The following SUPT5H variants were observed in gnomAD, a reference collection of about 807,000 sequenced individuals.
The protein encoded by SUPT5H is transcription elongation factor SPT5.
A neutral mutation model predicts 142.5 loss-of-function variants in SUPT5H; 24 were observed. The ratio of observed to expected loss-of-function variants is 0.17; its 90% CI spans 0.12 to 0.24. SUPT5H has a LOEUF of 0.24. SUPT5H is among the 10% of genes least tolerant of loss of function. SUPT5H has a pLI of 1.00. For synonymous variants in SUPT5H, 546 were observed against 553.0 expected, an observed-to-expected ratio of 0.99 and a Z score of 0.18; for missense variants, 893 against 1,471.8, an observed-to-expected ratio of 0.61 and a Z score of 6.43.
In SUPT5H at chr19:39,470,608, C is replaced by T; in HGVS notation, c.1677+85C>T. The T allele has an allele frequency of 4.2e-6, 6 of 1,417,858 alleles. No individual in the cohort carries two copies. The highest frequency in any genetic ancestry group is 5.6e-6 in the Non-Finnish European group (6 of 1,069,792). The allele number at this position is 1,417,858 out of a possible 1,614,324, so 87.8% of individuals were successfully genotyped here. A position where few individuals can be genotyped will look rare whatever the true frequency, so the allele number is the denominator to read the frequency against. On this transcript the variant is annotated intron_variant, in intron 18 of 29. Coordinates refer to ENST00000432763, the MANE Select transcript of SUPT5H (RefSeq NM_001111020.3). The surrounding 1 kb of genome is among the most constrained non-coding windows in gnomAD (Gnocchi z 5.8). ...CCCTCATCCTGGGAGGTGGCAGAGC[C>T]CCCAGACTGCTCTGGGTTGCAGATC...
rs1197635622 is a variant in SUPT5H at position 39,455,747 on chromosome 19, C to T, written c.242-1928C>T. Among the ~76,000 whole-genome samples, 22 of 150,838 alleles carry T rather than the reference C, an allele frequency of 1.5e-4. No homozygotes were observed. The East Asian group carries it at 2.8e-3, about 19-fold the overall frequency. ...AAGTGCTTCTCCTGCCTCAGCTTCC[C>T]GAGTAGCTGGGATTACAGGTGCCTG... On this transcript the variant is annotated intron_variant, in intron 3 of 29. Coordinates refer to ENST00000432763, the MANE Select transcript of SUPT5H (RefSeq NM_001111020.3).
chr19:39,457,929 G>A (rs1293276936), intron 4 of SUPT5H, 189 bp downstream of exon 4: 1 of 1,062,596 alleles, frequency 9.4e-7, no homozygotes, highest in Admixed American at 2.0e-5. Context: ...AGTGGGGGGT[G>A]GGGCCCTGGG....
Position 39,457,669 on chromosome 19 carries a change from T to C in SUPT5H, c.242-6T>C. On this transcript the variant is annotated splice_polypyrimidine_tract_variant and splice_region_variant and intron_variant, in intron 3 of 29. Transcript: ENST00000432763. Reference sequence around the variant, plus strand: ...TGCCACTTACCACTTGGCCTTTCCGTTTTAGATGTTGACGATGAGTATGAG... The same window carrying C: ...TGCCACTTACCACTTGGCCTTTCCGCTTTAGATGTTGACGATGAGTATGAG... The C allele has an allele frequency of 6.2e-7, 1 of 1,613,324 alleles. No homozygotes were observed. Among genetic ancestry groups the C allele is most frequent in the East Asian group, 2.2e-5 (1 of 44,844 alleles).
At chr19:39,451,451 G>A (rs1026912052) in intron 2 of SUPT5H, among the ~76,000 whole-genome samples, 3 of 151,720 alleles carry the variant, frequency 2.0e-5, no homozygotes, top group African/African-American at 7.3e-5. Flanking sequence ...GCGAGCCACC[G>A]CGCCCAGCCT....
chr19:39,469,777 G>T lies in SUPT5H; in HGVS notation c.1375-342G>T. 1 of 477,924 alleles carries T rather than the reference G, an allele frequency of 2.1e-6. No individual in the cohort carries two copies. The highest frequency in any genetic ancestry group is 2.2e-5 in the South Asian group (1 of 44,566). 29.6% of individuals were successfully genotyped at this position (477,924 alleles called of 1,614,324 possible). A position where few individuals can be genotyped will look rare whatever the true frequency, so the allele number is the denominator to read the frequency against. ...GTCTGAGGGGTTGTGCAGGCCCAGT[G>T]TGATGTGTGGGGTGAGGCTGTCTCC... On this transcript the variant is annotated intron_variant, in intron 16 of 29. Transcript: ENST00000432763. This position sits in a 1 kb window ranked among gnomAD's most constrained non-coding sequence, Gnocchi z 5.1.
intron 2 of SUPT5H, among the ~76,000 whole-genome samples, chr19:39,447,041 T>C (rs2078963291): frequency 6.6e-6 from 1 of 151,884 alleles, no homozygotes; most frequent in Non-Finnish European, 1.5e-5. Flanking sequence ...GGCACGCTTC[T>C]GTAGTCCCAG....
chr19:39,449,042 A>T (rs2078987599), intron 2 of SUPT5H, among the ~76,000 whole-genome samples: 1 of 132,402 alleles, frequency 7.6e-6, no homozygotes, highest in Non-Finnish European at 1.6e-5. Flanking sequence ...GTGAGCAGAG[A>T]TCGCACCATT....
rs1295601111 is a variant in SUPT5H at position 39,471,438 on chromosome 19, T to C, written c.1759T>C (p.Leu587=). The change falls in exon 19 of 30, where the codon TTG becomes CTG. Residue 587 remains leucine, a synonymous_variant. Coordinates refer to ENST00000432763, the MANE Select transcript of SUPT5H (RefSeq NM_001111020.3). ...GAAGGACAACCGCTTTGCTGTGGCC[T>C]TGGACTCAGAGCAGAACAACATCCA... ...RKKDNRFAVA[L]DSEQNNIHVK... is the part of the protein sequence containing the mutation. 4 of 1,614,112 alleles carry C rather than the reference T, an allele frequency of 2.5e-6. No individual in the cohort carries two copies. Among genetic ancestry groups the C allele is most frequent in the Non-Finnish European group, 3.4e-6 (4 of 1,180,048 alleles).
At position 39,445,799 on chromosome 19, in the gene SUPT5H, C is replaced by G. The variant is rs975308926; in HGVS notation, c.-87-5C>G. On this transcript the variant is annotated splice_region_variant and splice_polypyrimidine_tract_variant and intron_variant, in intron 1 of 29. Coordinates refer to ENST00000432763, the MANE Select transcript of SUPT5H (RefSeq NM_001111020.3). ...GAAGCGCCCTAAGGGGTTTTCTTCT[C>G]CCAGGGAACCAGCGGGGAAACTGAG... 1 of 1,504,692 alleles carries G rather than the reference C, an allele frequency of 6.6e-7. No homozygotes were observed. The highest frequency in any genetic ancestry group is 1.4e-5 in the African/African-American group (1 of 73,244). The allele number at this position is 1,504,692 out of a possible 1,614,324, so 93.2% of individuals were successfully genotyped here.
At position 39,457,973 on chromosome 19, in the gene SUPT5H, C is replaced by A. The variant is rs559814294; in HGVS notation, c.307+233C>A. 609 of 836,672 alleles carry A rather than the reference C, an allele frequency of 7.3e-4. 10 individuals are homozygous for A. The South Asian group carries it at 8.3e-3, about 11-fold the overall frequency. 51.8% of individuals were successfully genotyped at this position (836,672 alleles called of 1,614,324 possible). ...GTTGTGGGGAGAGGACTCTGGGATC[C>A]CAGGGCCCAGTGAATCCCTTCTGGG... On this transcript the variant is annotated intron_variant, in intron 4 of 29. Transcript: ENST00000432763.
At chr19:39,476,057 G>A (rs1316201831) in intron 28 of SUPT5H, 24 bp from the exon 29 acceptor site, 2 of 1,610,204 alleles carry the variant, frequency 1.2e-6, no homozygotes, top group East Asian at 2.2e-5. Context: ...AGGACAGGCT[G>A]ACCAGGCTGT....
At position 39,469,819 on chromosome 19, in the gene SUPT5H, C is replaced by T; in HGVS notation, c.1375-300C>T. On this transcript the variant is annotated intron_variant, in intron 16 of 29. Transcript: ENST00000432763. The surrounding 1 kb of genome is among the most constrained non-coding windows in gnomAD (Gnocchi z 5.1). ...GCTGTCTCCGGGTGGGGCTGAGGAG[C>T]TGTCCAGTCGGGGGTCCTGTGTCTG... The T allele has an allele frequency of 2.1e-6, 1 of 474,608 alleles. No individual in the cohort carries two copies. The highest frequency in any genetic ancestry group is 3.7e-5 in the Admixed American group (1 of 27,302). The allele number at this position is 474,608 out of a possible 1,614,324, so 29.4% of individuals were successfully genotyped here.
intron 2 of SUPT5H, among the ~76,000 whole-genome samples, chr19:39,447,451 T>TA (rs1555741034): frequency 6.9e-4 from 17 of 24,788 alleles, no homozygotes; most frequent in Admixed American, 5.3e-3. Flanking sequence ...TGCCATTATC[T>TA]TTTTTTTTTT....
At position 39,473,149 on chromosome 19, in the gene SUPT5H, C is replaced by T. The variant is rs767446830; in HGVS notation, c.2258+35C>T. On this transcript the variant is annotated intron_variant, in intron 23 of 29. Transcript: ENST00000432763. This position sits in a 1 kb window ranked among gnomAD's most constrained non-coding sequence, Gnocchi z 5.8. ...GGGCCTGGGGAGGGCCAGGGTGGGG[C>T]TTGCTAGGCAGTGAGAGGGGTCTGC... The T allele has an allele frequency of 6.2e-7, 1 of 1,611,084 alleles. No homozygotes were observed. The highest frequency in any genetic ancestry group is 1.7e-5 in the Admixed American group (1 of 59,988).
At chr19:39,447,406 C>T (rs1442598807) in intron 2 of SUPT5H, among the ~76,000 whole-genome samples, 1 of 151,632 alleles carries the variant, frequency 6.6e-6, no homozygotes, top group Non-Finnish European at 1.5e-5. Context: ...ACCAACATTT[C>T]CTGGGGCATT....
In SUPT5H at chr19:39,469,960, C is replaced by CT; in HGVS notation, c.1375-158dup. 1 of 945,492 alleles carries CT rather than the reference C, an allele frequency of 1.1e-6. No homozygotes were observed. 58.6% of individuals were successfully genotyped at this position (945,492 alleles called of 1,614,324 possible). ...TGGGGTCAGCTGTTTCTGGGGCAGTCTGAGGGGTCGTCCAGGTGGACTAAG... is the reference window on the plus strand; with the variant it reads ...TGGGGTCAGCTGTTTCTGGGGCAGTCTTGAGGGGTCGTCCAGGTGGACTAAG... On this transcript the variant is annotated intron_variant, in intron 16 of 29. Coordinates refer to ENST00000432763, the MANE Select transcript of SUPT5H (RefSeq NM_001111020.3). The surrounding 1 kb of genome is among the most constrained non-coding windows in gnomAD (Gnocchi z 5.1).
Position 39,474,412 on chromosome 19 carries a change from T to C in SUPT5H, c.2820+10T>C. On this transcript the variant is annotated intron_variant, in intron 27 of 29. Transcript: ENST00000432763. The surrounding 1 kb of genome is among the most constrained non-coding windows in gnomAD (Gnocchi z 6.5). ...GCCCATGGCCTATCAGGTAATGGTC[T>C]GCCTGCCTGCCCTGAAGGGTGGTGG... The C allele has an allele frequency of 6.2e-7, 1 of 1,612,750 alleles. No individual in the cohort carries two copies. The highest frequency in any genetic ancestry group is 8.5e-7 in the Non-Finnish European group (1 of 1,178,948).
chr19:39,473,856 C>T lies in SUPT5H; in HGVS notation c.2493-107C>T, dbSNP rs146088355. The T allele has an allele frequency of 8.2e-6, 12 of 1,464,996 alleles. No homozygotes were observed. Among genetic ancestry groups the T allele is most frequent in the African/African-American group, 4.2e-5 (3 of 72,266 alleles). 90.7% of individuals were successfully genotyped at this position (1,464,996 alleles called of 1,614,324 possible). On this transcript the variant is annotated intron_variant, in intron 25 of 29. Coordinates refer to ENST00000432763, the MANE Select transcript of SUPT5H (RefSeq NM_001111020.3). This position sits in a 1 kb window ranked among gnomAD's most constrained non-coding sequence, Gnocchi z 5.8. Reference sequence around the variant, plus strand: ...CAGGAGTGCCTCTGGATGGGGCTCCCGTGAGAATGAAATTGCTTCAGTTGG... The same window carrying T: ...CAGGAGTGCCTCTGGATGGGGCTCCTGTGAGAATGAAATTGCTTCAGTTGG...
At position 39,469,234 on chromosome 19, in the gene SUPT5H, C is replaced by G; in HGVS notation, c.1238-28C>G. 2 of 1,614,162 alleles carry G rather than the reference C, an allele frequency of 1.2e-6. No homozygotes were observed. The highest frequency in any genetic ancestry group is 1.1e-5 in the South Asian group (1 of 91,078). On this transcript the variant is annotated intron_variant, in intron 15 of 29. Coordinates refer to ENST00000432763, the MANE Select transcript of SUPT5H (RefSeq NM_001111020.3). This position sits in a 1 kb window ranked among gnomAD's most constrained non-coding sequence, Gnocchi z 5.1. ...AGGGGCGGCCCATGGTGGCAACCCC[C>G]GAGTCAGCCCTACGACTGCCCCTGC...
Sources: allele counts gnomAD v4.1 joint callset (sites outside exome capture counted in the v4.1 genomes callset), GRCh38; gene constraint gnomAD v4.1.1; non-coding constraint Gnocchi (gnomAD v3.1); transcripts MANE v1.5; gene names NCBI Gene and HGNC (gene_info 2026-07-23, HGNC 2026-07-21).